Variants in PPME1 observed in about 807,000 individuals in gnomAD.
PPME1 encodes the protein testicular secretory protein Li 39.
A neutral mutation model predicts 56.9 loss-of-function variants in PPME1; 17 were observed. The ratio of observed to expected loss-of-function variants is 0.30; its 90% CI spans 0.20 to 0.45. PPME1 has a LOEUF of 0.45. Among genes scored for constraint, PPME1 ranks in the 20% least tolerant of loss-of-function variants. The pLI is 1.00. For synonymous variants in PPME1, 122 were observed against 156.2 expected (o/e 0.78, Z 1.63); for missense variants, 357 against 483.2 (o/e 0.74, Z 2.45).
chr11:74,250,756 A>G, intron 11 of PPME1, 198 bp from the exon 12 acceptor site: 1 of 569,890 alleles, frequency 1.8e-6, no homozygotes, highest in African/African-American at 1.9e-5. Flanking sequence ...CAGAAGGAAA[A>G]AGTGAAGGGA....
At chr11:74,232,065 C>T (rs1859081341) in intron 7 of PPME1, among the ~76,000 whole-genome samples, 1 of 152,188 alleles carries the variant, frequency 6.6e-6, no homozygotes, top group African/African-American at 2.4e-5. Flanking sequence ...ACTCCATCTC[C>T]AGTCTCTTCT....
At chr11:74,239,539 A>G (rs1591064045) in intron 9 of PPME1, among the ~76,000 whole-genome samples, 2 of 140,378 alleles carry the variant, frequency 1.4e-5, no homozygotes, top group Non-Finnish European at 3.1e-5. Context: ...GAAAAATTCC[A>G]TTTCCTACCA....
intron 1 of PPME1, among the ~76,000 whole-genome samples, chr11:74,189,033 T>G (rs1857765499): frequency 6.6e-6 from 1 of 152,188 alleles, no homozygotes; most frequent in African/African-American, 2.4e-5. Flanking sequence ...TTTTCATTAG[T>G]CTCTGCTTTT....
intron 1 of PPME1, among the ~76,000 whole-genome samples, chr11:74,177,242 C>T (rs1857422161): frequency 6.6e-6 from 1 of 152,196 alleles, no homozygotes; most frequent in East Asian, 1.9e-4. Context: ...ATGTGGACCA[C>T]TTGAGCTTGG....
chr11:74,180,042 A>G (rs2135592803), intron 1 of PPME1, among the ~76,000 whole-genome samples: 1 of 152,246 alleles, frequency 6.6e-6, no homozygotes, highest in South Asian at 2.1e-4. Flanking sequence ...TGTTATTCCT[A>G]TTTAGATTTG....
At chr11:74,231,083 G>C in intron 7 of PPME1, 81 bp downstream of exon 7, 1 of 1,208,566 alleles carries the variant, frequency 8.3e-7, no homozygotes, top group Admixed American at 2.0e-5. Context: ...TAGGAGACAA[G>C]GCCTCACTCT....
At chr11:74,191,527 A>G (rs1247286041) in intron 1 of PPME1, among the ~76,000 whole-genome samples, 1 of 152,194 alleles carries the variant, frequency 6.6e-6, no homozygotes, top group South Asian at 2.1e-4. Context: ...CAAGGTTTCA[A>G]AGTTGTTTCA....
At chr11:74,245,251 G>C (rs1278734310) in intron 9 of PPME1, among the ~76,000 whole-genome samples, 1 of 150,642 alleles carries the variant, frequency 6.6e-6, no homozygotes, top group Non-Finnish European at 1.5e-5. Flanking sequence ...AGATTATATT[G>C]AATCTGTGGA....
intron 1 of PPME1, among the ~76,000 whole-genome samples, chr11:74,194,288 C>T (rs988998791): frequency 6.6e-6 from 1 of 151,742 alleles, no homozygotes; most frequent in African/African-American, 2.4e-5. Context: ...CTTTGGGATC[C>T]CAGCTTGATG....
At position 74,253,560 on chromosome 11, in the gene PPME1, C is replaced by G. The variant is rs776799516; in HGVS notation, c.*50C>G. 38 of 1,561,602 alleles carry G rather than the reference C, an allele frequency of 2.4e-5. No individual in the cohort carries two copies. Among genetic ancestry groups the G allele is most frequent in the Non-Finnish European group, 3.3e-5 (37 of 1,132,442 alleles). ...ACATCGAGCTCTGTTGTAAATACGT[C>G]GCACCAGAGGCCACTGTGATGCCAC... On this transcript the variant is annotated 3_prime_UTR_variant, in exon 14 of 14. Coordinates refer to ENST00000328257, the MANE Select transcript of PPME1 (RefSeq NM_016147.3).
At chr11:74,178,629 G>GT (rs1463510527) in intron 1 of PPME1, among the ~76,000 whole-genome samples, 1 of 152,268 alleles carries the variant, frequency 6.6e-6, no homozygotes, top group Non-Finnish European at 1.5e-5. Flanking sequence ...TCATTGCAGT[G>GT]TAAGTATAGG....
intron 1 of PPME1, among the ~76,000 whole-genome samples, chr11:74,200,442 C>A (rs111938624): frequency 0.017 from 2,608 of 151,720 alleles, 76 homozygotes; most frequent in African/African-American, 0.06. Flanking sequence ...AGGGCAGTGG[C>A]ACGATTTTGA....
chr11:74,205,369 G>A (rs1472752887), intron 3 of PPME1: 3 of 152,202 alleles, frequency 2.0e-5, no homozygotes. Context: ...TGCAAGGAGA[G>A]ATACTGCTAA....
chr11:74,188,551 A>G lies in PPME1; in HGVS notation c.102-15177A>G, dbSNP rs575191554. On this transcript the variant is annotated intron_variant, in intron 1 of 13. Transcript: ENST00000328257. ...TTCACCCTGACATTTTCATTTCAAAATTAAGATTATAGGGTTTTTTACTTT... is the reference window on the plus strand; with the variant it reads ...TTCACCCTGACATTTTCATTTCAAAGTTAAGATTATAGGGTTTTTTACTTT... Among the ~76,000 whole-genome samples, 16 of 152,276 alleles carry G rather than the reference A, an allele frequency of 1.1e-4. No individual in the cohort carries two copies. The South Asian group carries it at 1.7e-3, about 16-fold the overall frequency.
intron 9 of PPME1, among the ~76,000 whole-genome samples, chr11:74,245,171 G>A (rs775436599): frequency 6.6e-5 from 10 of 151,910 alleles, no homozygotes; most frequent in Middle Eastern, 6.8e-3. Flanking sequence ...CAGTGTCTAT[G>A]AGATTCCATA....
Position 74,225,258 on chromosome 11 carries a change from T to C in PPME1, c.398+2T>C. 6.4e-7 allele frequency: 1 copy of C among 1,556,994 alleles called. No individual in the cohort carries two copies. ...TCTGTCTGCAGAAACAATGGCAAAG[T>C]AAGTAACCAAATATTTCTTATACAT... is the stretch of plus-strand genomic sequence containing the variant. On this transcript the variant is annotated splice_donor_variant, in intron 5 of 13. Coordinates refer to ENST00000328257, the MANE Select transcript of PPME1 (RefSeq NM_016147.3). LOFTEE classifies it high-confidence loss of function.
intron 1 of PPME1, among the ~76,000 whole-genome samples, chr11:74,172,406 A>G (rs1448901056): frequency 6.6e-6 from 1 of 152,184 alleles, no homozygotes; most frequent in East Asian, 1.9e-4. Flanking sequence ...TGCAGTTGTA[A>G]GGTCTGGGAA....
chr11:74,252,158 A>C (rs1591074834), intron 13 of PPME1, among the ~76,000 whole-genome samples: 2 of 125,476 alleles, frequency 1.6e-5, no homozygotes, highest in Non-Finnish European at 3.2e-5. Flanking sequence ...AACCTCTGCC[A>C]CCTGGGCTCA....
At chr11:74,232,047 T>C (rs1421588030) in intron 7 of PPME1, among the ~76,000 whole-genome samples, 1 of 152,246 alleles carries the variant, frequency 6.6e-6, no homozygotes, top group African/African-American at 2.4e-5. Flanking sequence ...TTCCTTCCTA[T>C]TCTTCTAACT....
Sources: gnomAD v4.1 joint callset for allele counts (sites outside exome capture counted in the v4.1 genomes callset) on GRCh38, gnomAD v4.1.1 for gene constraint, MANE v1.5 for transcripts, NCBI Gene and HGNC (gene_info 2026-07-23, HGNC 2026-07-21) for gene names.